Variants in SLC25A21 observed in about 807,000 individuals in gnomAD.
SLC25A21 encodes solute carrier family 25 member 21, also known as mitochondrial 2-oxodicarboxylate carrier.
Under a neutral mutation model 43.8 loss-of-function variants are expected in SLC25A21, and 47 were observed. The observed-to-expected ratio is 1.07, with a 90% CI of 0.85 to 1.37. The LOEUF (loss-of-function observed/expected upper bound fraction) is 1.37. Ranked by LOEUF, SLC25A21 falls within the 40% of genes most tolerant of loss-of-function variation. SLC25A21 has a pLI of 0.00. For missense variants in SLC25A21, 352 were observed against 350.2 expected (o/e 1.00, Z -0.04); for synonymous variants, 131 against 121.3 (o/e 1.08, Z -0.52).
intron 1 of SLC25A21, among the ~76,000 whole-genome samples, chr14:37,033,569 C>T (rs899282437): frequency 3.9e-5 from 6 of 152,212 alleles, no homozygotes; most frequent in African/African-American, 1.4e-4. Context: ...AAACTTAGCA[C>T]ACCTAGTGAA....
chr14:37,162,920 A>G (rs1963970813), intron 1 of SLC25A21, among the ~76,000 whole-genome samples: 1 of 152,228 alleles, frequency 6.6e-6, no homozygotes, highest in Non-Finnish European at 1.5e-5. Flanking sequence ...GACTGGATTA[A>G]GAAAATGTGG....
intron 1 of SLC25A21, among the ~76,000 whole-genome samples, chr14:37,005,482 T>A (rs955496817): frequency 1.3e-5 from 2 of 152,170 alleles, no homozygotes; most frequent in African/African-American, 4.8e-5. Flanking sequence ...AGATATACAA[T>A]TTTTTTCTTT....
intron 7 of SLC25A21, among the ~76,000 whole-genome samples, chr14:36,706,445 C>A (rs923250648): frequency 2.0e-5 from 3 of 152,090 alleles, no homozygotes; most frequent in African/African-American, 7.2e-5. Flanking sequence ...TGAGGTAGAC[C>A]GATGACTTCT....
At chr14:37,055,361 C>T (rs1425441362) in intron 1 of SLC25A21, among the ~76,000 whole-genome samples, 1 of 152,262 alleles carries the variant, frequency 6.6e-6, no homozygotes, top group South Asian at 2.1e-4. Flanking sequence ...TGCTTTGTGG[C>T]AGAGGGCAGC....
chr14:36,772,494 GACT>G (rs768383088), intron 3 of SLC25A21, among the ~76,000 whole-genome samples: 6 of 152,264 alleles, frequency 3.9e-5, no homozygotes, highest in East Asian at 1.9e-4. Context: ...TTCATAGGAT[GACT>G]ACTTTTCTTT....
At chr14:36,890,604 C>A (rs570788515) in intron 1 of SLC25A21, among the ~76,000 whole-genome samples, 4 of 152,258 alleles carry the variant, frequency 2.6e-5, no homozygotes, top group African/African-American at 9.6e-5. Flanking sequence ...TGGATTTTTT[C>A]ACTGTATCCT....
At chr14:36,852,680 T>TGA (rs1889778679) in intron 2 of SLC25A21, among the ~76,000 whole-genome samples, 2 of 152,190 alleles carry the variant, frequency 1.3e-5, no homozygotes, top group African/African-American at 4.8e-5. Flanking sequence ...TGTTTATGTG[T>TGA]GAGCATGTGT....
Position 36,679,556 on chromosome 14 carries a change from T to TTTG in SLC25A21, c.*1099_*1101dup. 1.0e-6 allele frequency: 1 copy of TTTG among 985,380 alleles called. No homozygotes were observed. The highest frequency in any genetic ancestry group is 1.1e-4 in the East Asian group (1 of 8,816). 61.0% of individuals were successfully genotyped at this position (985,380 alleles called of 1,614,324 possible). A position where few individuals can be genotyped will look rare whatever the true frequency, so the allele number is the denominator to read the frequency against. On this transcript the variant is annotated 3_prime_UTR_variant, in exon 10 of 10. Transcript: ENST00000331299. Reference sequence around the variant, plus strand: ...GTTACATCAAGACCAAGGAGATATTTTTGTTGATACATGTTAGTATAGTAA... The same window carrying TTTG: ...GTTACATCAAGACCAAGGAGATATTTTTGTTGTTGATACATGTTAGTATAGTAA...
At chr14:37,009,291 C>A (rs935817919) in intron 1 of SLC25A21, among the ~76,000 whole-genome samples, 22 of 151,994 alleles carry the variant, frequency 1.4e-4, no homozygotes, top group African/African-American at 5.1e-4. Flanking sequence ...AGTTTGAGAC[C>A]AGCCTGGCCA....
chr14:36,874,987 G>C lies in SLC25A21; in HGVS notation c.88C>G (p.Leu30Val). 1 of 1,608,358 alleles carries C rather than the reference G, an allele frequency of 6.2e-7. No individual in the cohort carries two copies. Among genetic ancestry groups the C allele is most frequent in the African/African-American group, 1.3e-5 (1 of 74,082 alleles). The change falls in exon 2 of 10, where the codon CTG becomes GTG. Residue 30 changes from leucine to valine, a missense_variant. Transcript: ENST00000331299. ...GGSAGLVEIC[L>V]MHPLDVVKTR... ...TTCACCACATCTAGGGGGTGCATCA[G>C]GCAAATTTCTACAAGACCTGAAAGA...
chr14:36,921,208 G>C (rs539464861), intron 1 of SLC25A21, among the ~76,000 whole-genome samples: 27 of 152,212 alleles, frequency 1.8e-4, no homozygotes, highest in African/African-American at 6.3e-4. Context: ...ACAGTGAATT[G>C]ACCTTGTTTC....
chr14:36,800,378 T>A (rs925591487), intron 3 of SLC25A21, among the ~76,000 whole-genome samples: 6 of 152,162 alleles, frequency 3.9e-5, no homozygotes, highest in Non-Finnish European at 7.4e-5. Flanking sequence ...ATACATATAA[T>A]GGGATATTAT....
At chr14:37,148,823 A>C (rs17106466) in intron 1 of SLC25A21, among the ~76,000 whole-genome samples, 6,590 of 152,312 alleles carry the variant, frequency 0.043, 285 homozygotes, top group Admixed American at 0.1. Flanking sequence ...ACAAAAAATC[A>C]AGGAAAAGTA....
intron 1 of SLC25A21, among the ~76,000 whole-genome samples, chr14:37,132,958 G>A (rs1411254677): frequency 6.6e-6 from 1 of 151,966 alleles, no homozygotes; most frequent in Admixed American, 6.6e-5. Flanking sequence ...CCAAACTCCT[G>A]GGCTCAAGCA....
At chr14:36,899,797 A>C (rs952210660) in intron 1 of SLC25A21, among the ~76,000 whole-genome samples, 1 of 152,202 alleles carries the variant, frequency 6.6e-6, no homozygotes, top group African/African-American at 2.4e-5. Flanking sequence ...ATTTCAGGCA[A>C]CTTGAAAGAT....
At chr14:37,022,584 T>G (rs757095268) in intron 1 of SLC25A21, among the ~76,000 whole-genome samples, 2 of 152,010 alleles carry the variant, frequency 1.3e-5, no homozygotes, top group Non-Finnish European at 2.9e-5. Flanking sequence ...GTCTCATCAG[T>G]TCAATCCTAG....
intron 1 of SLC25A21, among the ~76,000 whole-genome samples, chr14:37,077,361 T>C (rs1408394231): frequency 1.3e-5 from 2 of 152,210 alleles, no homozygotes; most frequent in East Asian, 1.9e-4. Flanking sequence ...CTTTTCAACA[T>C]TGTAAAGTTC....
chr14:36,891,054 T>C lies in SLC25A21; in HGVS notation c.71-16050A>G, dbSNP rs562118164. On this transcript the variant is annotated intron_variant, in intron 1 of 9. Transcript: ENST00000331299. ...AGTCCTCAAAAGTAAATGGATACATTTCATACTCATATTCCAAGACAAGGT... is the reference window on the plus strand; with the variant it reads ...AGTCCTCAAAAGTAAATGGATACATCTCATACTCATATTCCAAGACAAGGT... Among the ~76,000 whole-genome samples, 5 of 152,268 alleles carry C rather than the reference T, an allele frequency of 3.3e-5. No homozygotes were observed. In the South Asian group the frequency reaches 6.2e-4, roughly 19 times the overall value.
Position 37,062,408 on chromosome 14 carries a change from A to T in SLC25A21, c.70+109873T>A, listed in dbSNP as rs148141243. Among the ~76,000 whole-genome samples the T allele has an allele frequency of 1.8e-3, 268 of 152,274 alleles. 1 individual carries two copies. The highest frequency in any genetic ancestry group is 6.2e-3 in the African/African-American group (256 of 41,564). ...AATTCTAGCTGTGCCACTCAGACTCAAATCTCTAAATGCAAACCACGTAAC... is the reference window on the plus strand; with the variant it reads ...AATTCTAGCTGTGCCACTCAGACTCTAATCTCTAAATGCAAACCACGTAAC... On this transcript the variant is annotated intron_variant, in intron 1 of 9. Coordinates refer to ENST00000331299, the MANE Select transcript of SLC25A21 (RefSeq NM_030631.4).
Sources: allele counts gnomAD v4.1 joint callset (sites outside exome capture counted in the v4.1 genomes callset), GRCh38; gene constraint gnomAD v4.1.1; transcripts MANE v1.5; gene names NCBI Gene and HGNC (gene_info 2026-07-23, HGNC 2026-07-21).